ABCA8: variants seen among roughly 807,000 people sequenced by gnomAD.
The protein encoded by ABCA8 is ATP binding cassette subfamily A member 8.
A neutral mutation model predicts 192.3 loss-of-function variants in ABCA8; 177 were observed. That is an observed-to-expected ratio of 0.92 (90% CI 0.81 to 1.04). The LOEUF (loss-of-function observed/expected upper bound fraction) is 1.04, where lower values mean the gene tolerates loss of function less well. ABCA8 is among the 50% of genes least tolerant of loss of function. The pLI is 0.00. For synonymous variants in ABCA8, 642 were observed against 690.2 expected (o/e 0.93, Z 1.09); for missense variants, 1,915 against 1,904.8 (o/e 1.01, Z -0.10).
chr17:68,951,270 G>A (rs2068560800), intron 1 of ABCA8, among the ~76,000 whole-genome samples: 1 of 152,330 alleles, frequency 6.6e-6, no homozygotes, highest in Admixed American at 6.5e-5. Context: ...CTATATTGAA[G>A]TTTCTTTGTT....
chr17:68,933,339 A>G, intron 5 of ABCA8, 68 bp from the exon 6 acceptor site: 1 of 1,046,278 alleles, frequency 9.6e-7, no homozygotes, highest in Non-Finnish European at 1.4e-6. Flanking sequence ...TGATTTTAAT[A>G]CTGATTATAG....
At chr17:68,946,806 T>A (rs2068422401) in intron 2 of ABCA8, among the ~76,000 whole-genome samples, 1 of 151,950 alleles carries the variant, frequency 6.6e-6, no homozygotes, top group African/African-American at 2.4e-5. Context: ...CTGGGCATGG[T>A]GGCATGCACC....
intron 2 of ABCA8, among the ~76,000 whole-genome samples, chr17:68,947,086 T>C (rs768903447): frequency 4.6e-5 from 7 of 152,198 alleles, no homozygotes; most frequent in Non-Finnish European, 1.0e-4. Context: ...TAAATGCATA[T>C]TGGAAACATT....
Position 68,907,816 on chromosome 17 carries a change from A to G in ABCA8, c.2202T>C (p.Pro734=). The G allele has an allele frequency of 2.5e-6, 4 of 1,610,618 alleles. No homozygotes were observed. The East Asian group carries it at 8.9e-5, about 36-fold the overall frequency. ...CGCTTTTGGCTGATAATTTGGCATC[A>G]GGGATGTGCTGTTTAACAAGTGATG... ...NITSLVKQHI[P]DAKLSAKSEG... The change falls in exon 18 of 40, where the codon CCT becomes CCC. Residue 734 remains proline (P), a synonymous_variant. Transcript: ENST00000586539.
chr17:68,903,405 C>T lies in ABCA8; in HGVS notation c.2493G>A (p.Met831Ile). 6 of 1,614,194 alleles carry T rather than the reference C, an allele frequency of 3.7e-6. No individual in the cohort carries two copies. Among genetic ancestry groups the T allele is most frequent in the Non-Finnish European group, 5.1e-6 (6 of 1,180,024 alleles). The part of the protein sequence containing the change: ...MEQVLSSLNK[M>I]RKTIGGVALW... Reference sequence around the variant, plus strand: ...GAGCCACACCACCTATTGTCTTTCTCATCTTGTTAAGTGAAGAGAGGACTT... The same window carrying T: ...GAGCCACACCACCTATTGTCTTTCTTATCTTGTTAAGTGAAGAGAGGACTT... Residue 831 changes from methionine to isoleucine, a missense_variant, in exon 20 of 40, where the codon ATG (methionine) becomes ATA (isoleucine). By Grantham distance (10) the Met-to-Ile change is conservative. Transcript: ENST00000586539.
intron 37 of ABCA8, among the ~76,000 whole-genome samples, chr17:68,874,395 C>T (rs2143223907): frequency 1.3e-5 from 2 of 152,278 alleles, no homozygotes; most frequent in Admixed American, 1.3e-4. Flanking sequence ...ATAAGGTAGG[C>T]AACAACATTT....
intron 35 of ABCA8, 114 bp downstream of exon 35, chr17:68,876,346 A>T: frequency 8.5e-7 from 1 of 1,179,076 alleles, no homozygotes; most frequent in Non-Finnish European, 1.2e-6. Context: ...TGACATTGAT[A>T]GTTTTTTTGT....
At position 68,929,684 on chromosome 17, in the gene ABCA8, G is replaced by C; in HGVS notation, c.816C>G (p.Leu272=). 6.2e-7 allele frequency: 1 copy of C among 1,612,426 alleles called. No individual in the cohort carries two copies. Among genetic ancestry groups the C allele is most frequent in the Non-Finnish European group, 8.5e-7 (1 of 1,179,394 alleles). The change falls in exon 8 of 40, where the codon CTC becomes CTG. Residue 272 remains leucine (L), a synonymous_variant. Transcript: ENST00000586539. ...CCATAATGAAGATGAAACCAGCATA[G>C]AGCAAACCCCAGGAGAGCCTAATGT... is the stretch of plus-strand genomic sequence containing the variant. ...DSAFWLSWGL[L]YAGFIFIMAL...
At position 68,918,156 on chromosome 17, in the gene ABCA8, T is replaced by G; in HGVS notation, c.1938A>C (p.Gly646=). 6.2e-7 allele frequency: 1 copy of G among 1,614,124 alleles called. No homozygotes were observed. Among genetic ancestry groups the G allele is most frequent in the Non-Finnish European group, 8.5e-7 (1 of 1,180,008 alleles). Residue 646 remains glycine, a synonymous_variant, in exon 16 of 40, where the codon GGA becomes GGC. Transcript: ENST00000586539. The stretch of plus-strand genomic sequence containing the variant: ...CTTGGTGTCTTGAAAAGGGATCCAA[T>G]CCAGCAGTTGGTTCATCCAACAGGA... ...QIFLLDEPTA[G]LDPFSRHQVW...
At chr17:68,944,839 G>C (rs1467335798) in intron 2 of ABCA8, 3 of 152,228 alleles carry the variant, frequency 2.0e-5, no homozygotes, top group Non-Finnish European at 4.4e-5. Flanking sequence ...ATACAAAGCA[G>C]AGACAGGCTC....
intron 7 of ABCA8, chr17:68,931,856 AT>A (rs2067892303): frequency 7.7e-6 from 1 of 129,782 alleles, no homozygotes; most frequent in Non-Finnish European, 1.6e-5. Flanking sequence ...ATCTGAAATT[AT>A]TCTGTGTAGG....
chr17:68,897,747 AT>A (rs1212952477), intron 21 of ABCA8, among the ~76,000 whole-genome samples: 1 of 152,198 alleles, frequency 6.6e-6, no homozygotes, highest in Non-Finnish European at 1.5e-5. Flanking sequence ...TCAACAGTAG[AT>A]TTGAATGATC....
At chr17:68,934,942 C>T (rs533951498) in intron 5 of ABCA8, among the ~76,000 whole-genome samples, 3 of 152,154 alleles carry the variant, frequency 2.0e-5, no homozygotes, top group South Asian at 2.1e-4. Context: ...TATTCTTGAT[C>T]TGTGTTGTTT....
chr17:68,912,513 A>C (rs896436116), intron 17 of ABCA8, among the ~76,000 whole-genome samples: 4 of 152,162 alleles, frequency 2.6e-5, no homozygotes, highest in African/African-American at 9.6e-5. Flanking sequence ...AAAGAAAGAG[A>C]TAAAGATAGA....
rs528443965 is a variant in ABCA8 at position 68,953,090 on chromosome 17, G to C, written c.-167+2129C>G. 8.5e-5 allele frequency among the ~76,000 whole-genome samples: 13 copies of C among 152,304 alleles called. No homozygotes were observed. In the East Asian group the frequency reaches 2.3e-3, roughly 27 times the overall value. The stretch of plus-strand genomic sequence containing the variant: ...GCCACTCCTGAAAACTGTAGGACTA[G>C]AGTGCTTTCAAATGGTCTTTGCCGT... On this transcript the variant is annotated intron_variant, in intron 1 of 39. Transcript: ENST00000586539.
Position 68,867,976 on chromosome 17 carries a change from C to T in ABCA8, c.*109G>A, listed in dbSNP as rs2065956638. ...CCTCCTCCTCCCACCACACGGAGAA[C>T]CATTTCTGTACTTATAATATAGTTT... On this transcript the variant is annotated 3_prime_UTR_variant, in exon 40 of 40. Transcript: ENST00000586539. The T allele has an allele frequency of 1.2e-6, 1 of 868,696 alleles. No individual in the cohort carries two copies. Among genetic ancestry groups the T allele is most frequent in the Admixed American group, 2.9e-5 (1 of 34,244 alleles). The allele number at this position is 868,696 out of a possible 1,614,324, so 53.8% of individuals were successfully genotyped here.
At chr17:68,924,535 G>A (rs547798223) in intron 11 of ABCA8, among the ~76,000 whole-genome samples, 166 bp downstream of exon 11, 1 of 152,192 alleles carries the variant, frequency 6.6e-6, no homozygotes, top group South Asian at 2.1e-4. Context: ...GTAAGGGGTT[G>A]GTAAAGGGAT....
chr17:68,868,547 T>C (rs1004778540), intron 38 of ABCA8, among the ~76,000 whole-genome samples, 191 bp from the exon 39 acceptor site: 2 of 152,172 alleles, frequency 1.3e-5, no homozygotes, highest in Admixed American at 1.3e-4. Context: ...AAAAAGCGCT[T>C]GAATTATGCT....
At chr17:68,884,273 C>T (rs2066404812) in intron 28 of ABCA8, 58 bp downstream of exon 28, 1 of 1,441,214 alleles carries the variant, frequency 6.9e-7, no homozygotes, top group African/African-American at 1.5e-5. Context: ...GTGTACAGAA[C>T]TGAAAATTAT....
Sources: allele counts gnomAD v4.1 joint callset (sites outside exome capture counted in the v4.1 genomes callset), GRCh38; gene constraint gnomAD v4.1.1; transcripts MANE v1.5; gene names NCBI Gene and HGNC (gene_info 2026-07-23, HGNC 2026-07-21).